ERICH3: variants seen among roughly 807,000 people sequenced by gnomAD.
ERICH3 encodes the protein glutamate-rich protein 3.
Under a neutral mutation model 131.1 loss-of-function variants are expected in ERICH3, and 126 were observed. That is an observed-to-expected ratio of 0.96 (90% CI 0.83 to 1.11). The LOEUF is 1.11. Among genes scored for constraint, ERICH3 ranks in the 50% most tolerant of loss-of-function variants. The pLI, the probability that ERICH3 is intolerant of heterozygous loss-of-function variation, is 0.00. For missense variants in ERICH3, 2,050 were observed against 1,810.7 expected, an observed-to-expected ratio of 1.13 and a Z score of -2.40; for synonymous variants, 695 against 644.6, an observed-to-expected ratio of 1.08 and a Z score of -1.18.
intron 5 of ERICH3, among the ~76,000 whole-genome samples, chr1:74,638,776 C>G (rs1557695213): frequency 6.6e-6 from 1 of 152,152 alleles, no homozygotes; most frequent in African/African-American, 2.4e-5. Flanking sequence ...TCTCACTTTA[C>G]CTCTTCCCTC....
At chr1:74,651,749 C>T (rs765810903) in intron 1 of ERICH3, among the ~76,000 whole-genome samples, 2 of 151,996 alleles carry the variant, frequency 1.3e-5, no homozygotes, top group Non-Finnish European at 2.9e-5. Flanking sequence ...TGCTAAAACC[C>T]GATTAAATGA....
intron 9 of ERICH3, among the ~76,000 whole-genome samples, chr1:74,607,623 A>G (rs1009369133): frequency 2.0e-5 from 3 of 151,890 alleles, no homozygotes; most frequent in Non-Finnish European, 4.4e-5. Context: ...TTTGCTGGTA[A>G]TAAGTTCTTA....
intron 1 of ERICH3, among the ~76,000 whole-genome samples, chr1:74,653,509 G>A (rs1170583526): frequency 1.3e-5 from 2 of 152,036 alleles, no homozygotes; most frequent in Non-Finnish European, 2.9e-5. Flanking sequence ...TAATTACCAA[G>A]TATCTCCATG....
intron 9 of ERICH3, among the ~76,000 whole-genome samples, chr1:74,611,443 T>C (rs1257550283): frequency 6.6e-6 from 1 of 152,184 alleles, no homozygotes; most frequent in African/African-American, 2.4e-5. Context: ...TTTCTGATAT[T>C]TTCCCCACAC....
intron 6 of ERICH3, chr1:74,634,702 T>G (rs753582525): frequency 1.4e-6 from 1 of 710,430 alleles, no homozygotes; most frequent in East Asian, 2.7e-5. Context: ...AAGTACTATC[T>G]AGGGGAGAGG....
chr1:74,604,254 T>C (rs1435820052), intron 10 of ERICH3, among the ~76,000 whole-genome samples: 1 of 151,892 alleles, frequency 6.6e-6, no homozygotes, highest in Non-Finnish European at 1.5e-5. Flanking sequence ...CAATCTCATC[T>C]TAGGCCCCAC....
chr1:74,640,004 G>A (rs1461963516), intron 5 of ERICH3, among the ~76,000 whole-genome samples: 4 of 152,104 alleles, frequency 2.6e-5, no homozygotes, highest in Non-Finnish European at 2.9e-5. Context: ...CCATCAGGGC[G>A]GGCCACATGA....
At position 74,673,648 on chromosome 1, in the gene ERICH3, C is replaced by G; in HGVS notation, c.-129G>C. On this transcript the variant is annotated 5_prime_UTR_variant, in exon 1 of 15. Transcript: ENST00000326665. ...CACCGAGGTCCCCTGTGCGCGGGCA[C>G]CTGGGCTGGGCCGCCGCCGCCCCTG... 1 of 1,031,422 alleles carries G rather than the reference C, an allele frequency of 9.7e-7. No individual in the cohort carries two copies. The highest frequency in any genetic ancestry group is 1.3e-6 in the Non-Finnish European group (1 of 756,696). The allele number at this position is 1,031,422 out of a possible 1,614,324, so 63.9% of individuals were successfully genotyped here. A position where few individuals can be genotyped will look rare whatever the true frequency, so the allele number is the denominator to read the frequency against.
chr1:74,606,903 C>T lies in ERICH3; in HGVS notation c.1188-1G>A. ...GTCAAGGCCCATTGCAATAATGCAC[C>T]TATGAAAAATATTAGCAGGAAGTGT... On this transcript the variant is annotated splice_acceptor_variant, in intron 9 of 14. Coordinates refer to ENST00000326665, the MANE Select transcript of ERICH3 (RefSeq NM_001002912.5). LOFTEE classifies it high-confidence loss of function. The T allele has an allele frequency of 6.2e-7, 1 of 1,606,732 alleles. No individual in the cohort carries two copies. The highest frequency in any genetic ancestry group is 8.5e-7 in the Non-Finnish European group (1 of 1,177,030).
At chr1:74,625,157 A>G (rs1649370713) in intron 7 of ERICH3, 1 of 152,064 alleles carries the variant, frequency 6.6e-6, no homozygotes, top group African/African-American at 2.4e-5. Flanking sequence ...GTGAGTAACA[A>G]TCTATCTTTT....
At chr1:74,614,641 A>C (rs372947200) in intron 8 of ERICH3, among the ~76,000 whole-genome samples, 33 of 151,646 alleles carry the variant, frequency 2.2e-4, no homozygotes, top group East Asian at 7.8e-4. Flanking sequence ...CACGCCACTG[A>C]ACTCCAGCCT....
At position 74,572,391 on chromosome 1, in the gene ERICH3, T is replaced by G. The variant is rs757831599; in HGVS notation, c.3319A>C (p.Thr1107Pro). 6.2e-7 allele frequency: 1 copy of G among 1,613,798 alleles called. No homozygotes were observed. The highest frequency in any genetic ancestry group is 8.5e-7 in the Non-Finnish European group (1 of 1,180,014). ...GTCTCTTCCTCAGCTCTTACTTCTG[T>G]CTCTGTTTCCCCTTCTTCCGCTTTA... ...KLKAEEGETE[T>P]EVRAEEETKA... is the part of the protein sequence containing the mutation. Residue 1107 changes from threonine to proline, a missense_variant, in exon 14 of 15, where the codon ACA becomes CCA. Thr to Pro is a conservative substitution (Grantham distance 38, BLOSUM62 -1). Transcript: ENST00000326665.
chr1:74,648,007 G>C (rs61381778), intron 2 of ERICH3, among the ~76,000 whole-genome samples: 1 of 152,014 alleles, frequency 6.6e-6, no homozygotes, highest in Non-Finnish European at 1.5e-5. Flanking sequence ...CCACCTGCAG[G>C]GCTTGTTGAA....
intron 8 of ERICH3, among the ~76,000 whole-genome samples, chr1:74,614,675 T>TAA (rs564728508): frequency 1.6e-4 from 17 of 108,280 alleles, no homozygotes; most frequent in African/African-American, 1.7e-4. Flanking sequence ...AGACTCCGTC[T>TAA]AAAAAAAAAA....
chr1:74,571,757 C>G lies in ERICH3; in HGVS notation c.3953G>C (p.Gly1318Ala). 1.2e-6 allele frequency: 2 copies of G among 1,614,156 alleles called. No individual in the cohort carries two copies. Among genetic ancestry groups the G allele is most frequent in the Non-Finnish European group, 8.5e-7 (1 of 1,180,038 alleles). ...AMQDRNSEGD[G>A]DMEGEGNTQK... ...TGTGTTTCCTTCTCCTTCCATGTCC[C>G]CGTCCCCTTCCGAGTTCCTGTCCTG... Residue 1318 changes from glycine to alanine, a missense_variant, in exon 14 of 15, where the codon GGG becomes GCG. By Grantham distance (60) the Gly-to-Ala change is moderately conservative (BLOSUM62 0). Coordinates refer to ENST00000326665, the MANE Select transcript of ERICH3 (RefSeq NM_001002912.5).
intron 3 of ERICH3, among the ~76,000 whole-genome samples, chr1:74,646,047 A>C (rs1646479707): frequency 1.3e-5 from 2 of 151,994 alleles, no homozygotes; most frequent in South Asian, 4.2e-4. Context: ...GAAATAATTT[A>C]TCAAATTAGC....
At chr1:74,621,972 T>A (rs538958056) in intron 7 of ERICH3, 10 of 152,304 alleles carry the variant, frequency 6.6e-5, no homozygotes, top group Admixed American at 3.9e-4. Context: ...AGACAAAAAA[T>A]GTGCAGAGAC....
chr1:74,585,624 C>T (rs976230033), intron 12 of ERICH3, among the ~76,000 whole-genome samples: 1 of 152,102 alleles, frequency 6.6e-6, no homozygotes, highest in Non-Finnish European at 1.5e-5. Context: ...TATTCTTTAA[C>T]ATAATAACAG....
chr1:74,654,429 C>A (rs1332462045), intron 1 of ERICH3, among the ~76,000 whole-genome samples: 1 of 151,792 alleles, frequency 6.6e-6, no homozygotes, highest in Non-Finnish European at 1.5e-5. Flanking sequence ...CTCTTAGTTT[C>A]TTTGGGGCTG....
Sources: gnomAD v4.1 joint callset for allele counts (sites outside exome capture counted in the v4.1 genomes callset) on GRCh38, gnomAD v4.1.1 for gene constraint, MANE v1.5 for transcripts, NCBI Gene and HGNC (gene_info 2026-07-23, HGNC 2026-07-21) for gene names.